SGCZ: variants seen among roughly 807,000 people sequenced by gnomAD.
The protein encoded by SGCZ is zeta-sarcoglycan.
A neutral mutation model predicts 41.3 loss-of-function variants in SGCZ; 40 were observed. The ratio of observed to expected loss-of-function variants is 0.97; its 90% CI spans 0.75 to 1.26. SGCZ has a LOEUF of 1.26. Ranked by LOEUF, SGCZ falls within the 50% of genes most tolerant of loss-of-function variation. The pLI is 0.00. For missense variants in SGCZ, 552 were observed against 369.8 expected, an observed-to-expected ratio of 1.49 and a Z score of -4.04; for synonymous variants, 206 against 137.5, an observed-to-expected ratio of 1.50 and a Z score of -3.49.
At chr8:14,928,938 C>T (rs945714127) in intron 1 of SGCZ, among the ~76,000 whole-genome samples, 9 of 152,140 alleles carry the variant, frequency 5.9e-5, no homozygotes, top group East Asian at 3.9e-4. Context: ...TTGACAGGAG[C>T]TTGATGTTAT....
chr8:14,816,869 T>A (rs1801917051), intron 1 of SGCZ, among the ~76,000 whole-genome samples: 1 of 152,220 alleles, frequency 6.6e-6, no homozygotes, highest in East Asian at 1.9e-4. Context: ...GCAAAGAGAA[T>A]ATGTTATATT....
intron 1 of SGCZ, among the ~76,000 whole-genome samples, chr8:14,647,990 A>T (rs989626217): frequency 6.6e-6 from 1 of 151,998 alleles, no homozygotes. Context: ...CCTGGAGTGG[A>T]TTCTGCAAAG....
intron 1 of SGCZ, among the ~76,000 whole-genome samples, chr8:14,667,046 G>C (rs191400329): frequency 7.9e-5 from 12 of 152,028 alleles, no homozygotes; most frequent in African/African-American, 2.9e-4. Context: ...GAGACATATA[G>C]AGAGAGACAT....
intron 1 of SGCZ, among the ~76,000 whole-genome samples, chr8:14,615,729 G>A (rs139851553): frequency 2.0e-5 from 3 of 152,120 alleles, no homozygotes; most frequent in Non-Finnish European, 4.4e-5. Flanking sequence ...ACAAGCTTGA[G>A]TACTGTTTCA....
At chr8:14,642,961 C>T (rs1044520159) in intron 1 of SGCZ, among the ~76,000 whole-genome samples, 1 of 151,392 alleles carries the variant, frequency 6.6e-6, no homozygotes, top group African/African-American at 2.4e-5. Context: ...ATATTGCAAA[C>T]CCCTAGAAAA....
chr8:14,915,528 C>T (rs902688160), intron 1 of SGCZ, among the ~76,000 whole-genome samples: 8 of 152,046 alleles, frequency 5.3e-5, no homozygotes, highest in Admixed American at 1.3e-4. Context: ...TTCAAGATGG[C>T]GGCCCCATCT....
intron 1 of SGCZ, among the ~76,000 whole-genome samples, chr8:14,849,140 A>G (rs1378051428): frequency 1.3e-5 from 2 of 152,286 alleles, no homozygotes; most frequent in East Asian, 3.9e-4. Context: ...CAACTCACAT[A>G]CTAGAATATC....
At chr8:14,341,317 T>C (rs1033010132) in intron 2 of SGCZ, among the ~76,000 whole-genome samples, 5 of 152,208 alleles carry the variant, frequency 3.3e-5, no homozygotes, top group Non-Finnish European at 7.3e-5. Flanking sequence ...CATGTGGTAA[T>C]TTTACATTCA....
intron 2 of SGCZ, among the ~76,000 whole-genome samples, chr8:14,463,885 T>G (rs558274786): frequency 6.8e-6 from 1 of 146,844 alleles, no homozygotes; most frequent in South Asian, 2.1e-4. Flanking sequence ...TGATCATGTG[T>G]TTTTCTGCCT....
intron 3 of SGCZ, among the ~76,000 whole-genome samples, chr8:14,273,255 T>C (rs1240268130): frequency 6.6e-6 from 1 of 152,204 alleles, no homozygotes; most frequent in Admixed American, 6.5e-5. Context: ...TATAGCTTAG[T>C]CCTAGGCTCA....
chr8:15,077,570 A>C (rs759426619), intron 1 of SGCZ, among the ~76,000 whole-genome samples: 1 of 152,142 alleles, frequency 6.6e-6, no homozygotes, highest in African/African-American at 2.4e-5. Flanking sequence ...CTTCCCATTT[A>C]TCATTTCCAT....
intron 2 of SGCZ, chr8:14,332,577 T>C (rs900877375): frequency 1.3e-5 from 2 of 152,110 alleles, no homozygotes; most frequent in African/African-American, 2.4e-5. Flanking sequence ...GGTAGTGAGT[T>C]ATCTCAATTG....
chr8:14,669,527 A>G (rs1309656149), intron 1 of SGCZ, among the ~76,000 whole-genome samples: 1 of 151,950 alleles, frequency 6.6e-6, no homozygotes, highest in Non-Finnish European at 1.5e-5. Flanking sequence ...CTCTATTTCT[A>G]TGAGTATAAC....
At chr8:14,407,384 G>C (rs925064179) in intron 2 of SGCZ, among the ~76,000 whole-genome samples, 1 of 152,068 alleles carries the variant, frequency 6.6e-6, no homozygotes, top group Non-Finnish European at 1.5e-5. Flanking sequence ...ATACAGATAA[G>C]AACACTGAGT....
At chr8:14,574,036 G>C (rs1272667463) in intron 1 of SGCZ, among the ~76,000 whole-genome samples, 1 of 152,112 alleles carries the variant, frequency 6.6e-6, no homozygotes, top group Admixed American at 6.5e-5. Flanking sequence ...GGGTCCCATA[G>C]CAGCAATCCA....
intron 1 of SGCZ, among the ~76,000 whole-genome samples, chr8:14,949,468 T>C (rs1036306855): frequency 1.3e-5 from 2 of 152,152 alleles, no homozygotes; most frequent in East Asian, 1.9e-4. Flanking sequence ...CTGATTTCAC[T>C]TCACATGACT....
chr8:14,616,672 G>A (rs907265455), intron 1 of SGCZ, among the ~76,000 whole-genome samples: 4 of 152,068 alleles, frequency 2.6e-5, no homozygotes, highest in African/African-American at 7.2e-5. Flanking sequence ...GGAAAATTGA[G>A]TATGTTAGTC....
At chr8:14,465,380 G>A (rs181512487) in intron 2 of SGCZ, among the ~76,000 whole-genome samples, 3 of 151,648 alleles carry the variant, frequency 2.0e-5, no homozygotes, top group African/African-American at 4.8e-5. Flanking sequence ...TTAACTATCC[G>A]TGGTATTATT....
intron 1 of SGCZ, among the ~76,000 whole-genome samples, chr8:15,039,341 T>C (rs1803990724): frequency 6.6e-6 from 1 of 152,166 alleles, no homozygotes; most frequent in African/African-American, 2.4e-5. Flanking sequence ...TGAACCCAGA[T>C]GACATTATGT....
Sources: gnomAD v4.1 joint callset for allele counts (sites outside exome capture counted in the v4.1 genomes callset) on GRCh38, gnomAD v4.1.1 for gene constraint, MANE v1.5 for transcripts, NCBI Gene and HGNC (gene_info 2026-07-23, HGNC 2026-07-21) for gene names.